The following CCBE1 variants were observed in gnomAD, a reference collection of about 807,000 sequenced individuals.
CCBE1 encodes collagen and calcium binding EGF domains 1, also known as collagen and calcium-binding EGF domain-containing protein 1.
A neutral mutation model predicts 50.0 loss-of-function variants in CCBE1; 37 were observed. That is an observed-to-expected ratio of 0.74 (90% CI 0.57 to 0.97). CCBE1 has a LOEUF of 0.97. CCBE1 is among the 50% of genes least tolerant of loss of function. CCBE1 has a pLI of 0.00. For synonymous variants in CCBE1, 234 were observed against 203.7 expected (o/e 1.15, Z -1.27); for missense variants, 538 against 523.8 (o/e 1.03, Z -0.26).
chr18:59,674,491 G>C (rs1370599053), intron 2 of CCBE1, among the ~76,000 whole-genome samples: 1 of 152,098 alleles, frequency 6.6e-6, no homozygotes, highest in Admixed American at 6.6e-5. Flanking sequence ...CTAGGAGAGG[G>C]ACAGCATTAG....
At chr18:59,495,019 T>C (rs982366807) in intron 2 of CCBE1, among the ~76,000 whole-genome samples, 20 of 152,240 alleles carry the variant, frequency 1.3e-4, no homozygotes, top group Middle Eastern at 3.4e-3. Context: ...GCGAGGCATG[T>C]TGTCCCAGTT....
chr18:59,454,288 A>G (rs1352766742), intron 6 of CCBE1, among the ~76,000 whole-genome samples: 1 of 152,194 alleles, frequency 6.6e-6, no homozygotes, highest in African/African-American at 2.4e-5. Context: ...CTTGTTGCCC[A>G]GGCTGGAGTG....
At chr18:59,471,031 G>A (rs954413146) in intron 3 of CCBE1, among the ~76,000 whole-genome samples, 1 of 152,194 alleles carries the variant, frequency 6.6e-6, no homozygotes, top group Non-Finnish European at 1.5e-5. Context: ...ACTTGGCATC[G>A]CCTCTAGGCA....
chr18:59,584,677 T>C (rs2053151083), intron 2 of CCBE1, among the ~76,000 whole-genome samples: 1 of 152,118 alleles, frequency 6.6e-6, no homozygotes, highest in Non-Finnish European at 1.5e-5. Flanking sequence ...TTGTCCCTCT[T>C]GCTTGTGCTT....
intron 2 of CCBE1, among the ~76,000 whole-genome samples, chr18:59,667,448 A>G (rs756297250): frequency 7.9e-5 from 12 of 152,164 alleles, no homozygotes; most frequent in Non-Finnish European, 1.5e-4. Context: ...CCAGGACATG[A>G]AGCACTGAGG....
intron 2 of CCBE1, among the ~76,000 whole-genome samples, chr18:59,543,348 A>G (rs1915542730): frequency 6.6e-6 from 1 of 152,200 alleles, no homozygotes; most frequent in Non-Finnish European, 1.5e-5. Context: ...AGTGAAATAT[A>G]CAGTATTAAA....
chr18:59,549,232 T>A (rs553900782), intron 2 of CCBE1, among the ~76,000 whole-genome samples: 2 of 152,198 alleles, frequency 1.3e-5, no homozygotes, highest in African/African-American at 4.8e-5. Flanking sequence ...AAGGTATGAT[T>A]CAAATATAGC....
intron 7 of CCBE1, among the ~76,000 whole-genome samples, chr18:59,443,998 A>T (rs1910561902): frequency 6.6e-6 from 1 of 152,220 alleles, no homozygotes; most frequent in Non-Finnish European, 1.5e-5. Context: ...ATAGTGTGTC[A>T]TTTTTTGACT....
intron 2 of CCBE1, among the ~76,000 whole-genome samples, chr18:59,528,230 T>A (rs957536447): frequency 6.6e-6 from 1 of 152,250 alleles, no homozygotes; most frequent in African/African-American, 2.4e-5. Flanking sequence ...AACAAGATAG[T>A]CTTCAAGCTC....
At chr18:59,615,379 C>T (rs899018579) in intron 2 of CCBE1, among the ~76,000 whole-genome samples, 3 of 152,166 alleles carry the variant, frequency 2.0e-5, no homozygotes, top group African/African-American at 7.2e-5. Flanking sequence ...TGCGTAATTT[C>T]ACCCACACAA....
intron 2 of CCBE1, among the ~76,000 whole-genome samples, chr18:59,482,432 A>G (rs1402854647): frequency 6.6e-6 from 1 of 152,216 alleles, no homozygotes; most frequent in Non-Finnish European, 1.5e-5. Flanking sequence ...TGACTCAGCA[A>G]TCCCATTACT....
intron 2 of CCBE1, among the ~76,000 whole-genome samples, chr18:59,689,787 C>A (rs2054704925): frequency 6.6e-6 from 1 of 152,148 alleles, no homozygotes; most frequent in South Asian, 2.1e-4. Flanking sequence ...AAAATAACAC[C>A]TCCTCTTTGT....
chr18:59,672,808 A>G (rs1237886632), intron 2 of CCBE1, among the ~76,000 whole-genome samples: 1 of 152,200 alleles, frequency 6.6e-6, no homozygotes, highest in Non-Finnish European at 1.5e-5. Flanking sequence ...AGTGGGAACT[A>G]AACTATGAGG....
intron 7 of CCBE1, among the ~76,000 whole-genome samples, chr18:59,441,691 T>G (rs1255472775): frequency 1.3e-5 from 2 of 151,810 alleles, no homozygotes; most frequent in African/African-American, 4.8e-5. Context: ...AAGGAAAAAG[T>G]CAAATGGAAA....
chr18:59,611,627 T>TC (rs1260378734), intron 2 of CCBE1, among the ~76,000 whole-genome samples: 5 of 152,092 alleles, frequency 3.3e-5, no homozygotes, highest in African/African-American at 1.2e-4. Context: ...GTGCCTGTAA[T>TC]CCCGGCTACT....
chr18:59,585,515 T>G (rs1216324816), intron 2 of CCBE1, among the ~76,000 whole-genome samples: 1 of 152,198 alleles, frequency 6.6e-6, no homozygotes, highest in Non-Finnish European at 1.5e-5. Flanking sequence ...TGAGTGAATA[T>G]TCAATCAAAT....
chr18:59,624,940 A>G (rs2144613903), intron 2 of CCBE1, among the ~76,000 whole-genome samples: 1 of 152,388 alleles, frequency 6.6e-6, no homozygotes, highest in East Asian at 1.9e-4. Context: ...ACTCACACAT[A>G]GCTATGCAAT....
At chr18:59,681,573 C>T (rs1347731609) in intron 2 of CCBE1, among the ~76,000 whole-genome samples, 1 of 152,166 alleles carries the variant, frequency 6.6e-6, no homozygotes, top group East Asian at 1.9e-4. Context: ...TCCTATGGCA[C>T]AGCACATGTT....
chr18:59,660,790 T>C (rs2054273499), intron 2 of CCBE1, among the ~76,000 whole-genome samples: 2 of 152,232 alleles, frequency 1.3e-5, no homozygotes, highest in Admixed American at 6.5e-5. Flanking sequence ...GAAAATGTGA[T>C]TCACGGAAGC....
Sources: gnomAD v4.1 joint callset for allele counts (sites outside exome capture counted in the v4.1 genomes callset) on GRCh38, gnomAD v4.1.1 for gene constraint, MANE v1.5 for transcripts, NCBI Gene and HGNC (gene_info 2026-07-23, HGNC 2026-07-21) for gene names.